FAM222A: variants seen among roughly 807,000 people sequenced by gnomAD.
FAM222A encodes family with sequence similarity 222 member A, also known as protein FAM222A.
Under a neutral mutation model 25.8 loss-of-function variants are expected in FAM222A, and 7 were observed. The ratio of observed to expected loss-of-function variants is 0.27; its 90% CI spans 0.15 to 0.51. The LOEUF is 0.51. FAM222A is among the 20% of genes least tolerant of loss of function. The pLI, the probability that FAM222A is intolerant of heterozygous loss-of-function variation, is 0.97. For synonymous variants in FAM222A, 294 were observed against 298.8 expected (o/e 0.98, Z 0.17); for missense variants, 573 against 640.5 (o/e 0.89, Z 1.14).
rs534486981 is a variant in FAM222A, at chr12:109,725,837, C to T, written c.-47+10940C>T. Among the ~76,000 whole-genome samples, 3 of 152,174 alleles carry T rather than the reference C, an allele frequency of 2.0e-5. No homozygotes were observed. In the South Asian group the frequency reaches 6.2e-4, roughly 32 times the overall value. On this transcript the variant is annotated intron_variant, in intron 1 of 2. Coordinates refer to ENST00000538780, the MANE Select transcript of FAM222A (RefSeq NM_032829.3). ...GTCTCATTTGTCAGCTGGTGCTGCT[C>T]CATGTTGCACATTTTCATACAATTG...
chr12:109,765,141 C>A (rs1374400911), intron 2 of FAM222A, among the ~76,000 whole-genome samples: 1 of 152,260 alleles, frequency 6.6e-6, no homozygotes, highest in Non-Finnish European at 1.5e-5. Flanking sequence ...ATGCCTTACC[C>A]TGCTTAAAAC....
At chr12:109,747,542 C>T (rs746825512) in intron 2 of FAM222A, among the ~76,000 whole-genome samples, 8 of 152,100 alleles carry the variant, frequency 5.3e-5, no homozygotes, top group Non-Finnish European at 7.4e-5. Context: ...GTGCTTCTAC[C>T]GGGATTGCAT....
intron 1 of FAM222A, among the ~76,000 whole-genome samples, chr12:109,716,114 C>T (rs1352375720): frequency 6.6e-6 from 1 of 152,266 alleles, no homozygotes; most frequent in African/African-American, 2.4e-5. Flanking sequence ...CAAGTGAGGC[C>T]CATCAGTGCC....
chr12:109,733,108 TGGAGAGTG>T (rs898566281), intron 1 of FAM222A, among the ~76,000 whole-genome samples: 9 of 151,984 alleles, frequency 5.9e-5, no homozygotes, highest in South Asian at 2.1e-4. Flanking sequence ...GGAGCTGGCA[TGGAGAGTG>T]GGAGAGTGGT....
At position 109,729,961 on chromosome 12, in the gene FAM222A, G is replaced by A. The variant is rs575195517; in HGVS notation, c.-46-14140G>A. On this transcript the variant is annotated intron_variant, in intron 1 of 2. Transcript: ENST00000538780. The stretch of plus-strand genomic sequence containing the variant: ...TGAGGCTGCACAGCTAGCACGTAGG[G>A]GAGCCAGCTGGGGCTTGAACCCAGA... 3.3e-5 allele frequency among the ~76,000 whole-genome samples: 5 copies of A among 152,332 alleles called. 1 individual carries two copies. The South Asian group carries it at 1.0e-3, about 32-fold the overall frequency.
chr12:109,760,304 G>C (rs1005563019), intron 2 of FAM222A, among the ~76,000 whole-genome samples: 2 of 152,192 alleles, frequency 1.3e-5, no homozygotes, highest in Admixed American at 6.5e-5. Flanking sequence ...TGGTCAGCAC[G>C]GGGAGGCAGT....
intron 2 of FAM222A, among the ~76,000 whole-genome samples, chr12:109,756,098 C>T (rs115084853): frequency 0.01 from 1,566 of 152,284 alleles, 25 homozygotes; most frequent in Middle Eastern, 0.034. Flanking sequence ...TACAGGGTGT[C>T]TTTCCATTTA....
At chr12:109,717,482 A>G (rs1463358856) in intron 1 of FAM222A, among the ~76,000 whole-genome samples, 1 of 152,176 alleles carries the variant, frequency 6.6e-6, no homozygotes, top group African/African-American at 2.4e-5. Flanking sequence ...GAGGTGGCAC[A>G]TGAGTCATGA....
At chr12:109,737,767 A>T (rs1592784885) in intron 1 of FAM222A, among the ~76,000 whole-genome samples, 1 of 151,842 alleles carries the variant, frequency 6.6e-6, no homozygotes, top group Admixed American at 6.6e-5. Flanking sequence ...AAAGAAAATT[A>T]CCCTCGCCTC....
chr12:109,730,684 T>C (rs1441821784), intron 1 of FAM222A, among the ~76,000 whole-genome samples: 8 of 152,194 alleles, frequency 5.3e-5, no homozygotes. Context: ...GGTTTTTCTC[T>C]GGGTTCCTGC....
chr12:109,737,345 T>G (rs1888114367), intron 1 of FAM222A, among the ~76,000 whole-genome samples: 1 of 152,080 alleles, frequency 6.6e-6, no homozygotes, highest in Non-Finnish European at 1.5e-5. Flanking sequence ...GGCTCAGAAC[T>G]GCCAGCATCT....
At chr12:109,758,523 C>T (rs1436350177) in intron 2 of FAM222A, among the ~76,000 whole-genome samples, 5 of 152,080 alleles carry the variant, frequency 3.3e-5, no homozygotes, top group Non-Finnish European at 7.4e-5. Context: ...CCTAGTCATT[C>T]GGCTGGGGCA....
intron 1 of FAM222A, among the ~76,000 whole-genome samples, chr12:109,718,720 C>T (rs931792424): frequency 6.6e-6 from 1 of 152,238 alleles, no homozygotes; most frequent in Non-Finnish European, 1.5e-5. Flanking sequence ...GCCCGCCGCC[C>T]TGATTGGTTG....
At chr12:109,763,104 C>G (rs963284930) in intron 2 of FAM222A, among the ~76,000 whole-genome samples, 2 of 152,192 alleles carry the variant, frequency 1.3e-5, no homozygotes, top group Non-Finnish European at 2.9e-5. Flanking sequence ...GGTCCCTTCT[C>G]AGGACTGTCC....
At chr12:109,723,680 C>T (rs987604282) in intron 1 of FAM222A, among the ~76,000 whole-genome samples, 1 of 152,210 alleles carries the variant, frequency 6.6e-6, no homozygotes, top group African/African-American at 2.4e-5. Flanking sequence ...GGGGGATGCC[C>T]GGAGAGGGAG....
At chr12:109,751,448 A>G (rs1201669213) in intron 2 of FAM222A, among the ~76,000 whole-genome samples, 1 of 152,082 alleles carries the variant, frequency 6.6e-6, no homozygotes, top group African/African-American at 2.4e-5. Context: ...TTCAATTTAG[A>G]TTATTTTTAT....
At chr12:109,750,777 TAA>T (rs754241965) in intron 2 of FAM222A, among the ~76,000 whole-genome samples, 3 of 144,230 alleles carry the variant, frequency 2.1e-5, no homozygotes. Context: ...TGAGTGGGTT[TAA>T]AAAAAAAAAA....
intron 2 of FAM222A, among the ~76,000 whole-genome samples, chr12:109,764,659 C>G (rs1888992106): frequency 6.6e-6 from 1 of 152,100 alleles, no homozygotes. Context: ...GCTGCTTTTG[C>G]TGACTCCAGT....
chr12:109,728,775 G>A (rs895782738), intron 1 of FAM222A, among the ~76,000 whole-genome samples: 3 of 152,216 alleles, frequency 2.0e-5, no homozygotes, highest in African/African-American at 2.4e-5. Flanking sequence ...TCAGAGACCT[G>A]GTTCCCACCT....
Sources: gnomAD v4.1 joint callset for allele counts (sites outside exome capture counted in the v4.1 genomes callset) on GRCh38, gnomAD v4.1.1 for gene constraint, MANE v1.5 for transcripts, NCBI Gene and HGNC (gene_info 2026-07-23, HGNC 2026-07-21) for gene names.